The following MAP3K19 variants were observed in gnomAD, a reference collection of about 807,000 sequenced individuals.
MAP3K19 encodes mitogen-activated protein kinase kinase kinase 19, also known as SPS1/STE20-related protein kinase YSK4.
A neutral mutation model predicts 114.4 loss-of-function variants in MAP3K19; 91 were observed. The ratio of observed to expected loss-of-function variants is 0.80; its 90% confidence interval spans 0.67 to 0.95. The LOEUF (loss-of-function observed/expected upper bound fraction) is 0.95. Among genes scored for constraint, MAP3K19 ranks in the 40% least tolerant of loss-of-function variants. The probability of loss-of-function intolerance (pLI) is 0.00; values close to 1 mark genes in which losing one functional copy is unlikely to be tolerated. For missense variants in MAP3K19, 1,471 were observed against 1,573.2 expected, an observed-to-expected ratio of 0.94 and a Z score of 1.10; for synonymous variants, 518 against 530.5, an observed-to-expected ratio of 0.98 and a Z score of 0.32.
chr2:135,026,242 TG>T (rs1688252732), intron 3 of MAP3K19, among the ~76,000 whole-genome samples: 1 of 152,178 alleles, frequency 6.6e-6, no homozygotes, highest in South Asian at 2.1e-4. Context: ...ATAAACTCAT[TG>T]GGGCCTCTCC....
intron 3 of MAP3K19, among the ~76,000 whole-genome samples, chr2:135,029,544 G>C (rs968766536): frequency 3.3e-5 from 5 of 152,114 alleles, no homozygotes; most frequent in African/African-American, 1.2e-4. Flanking sequence ...AGTATTGTTT[G>C]GTTTTGTTAT....
At position 134,987,390 on chromosome 2, in the gene MAP3K19, G is replaced by A. The variant is rs1685217332; in HGVS notation, c.1482C>T (p.Ser494=). 1.2e-6 allele frequency: 2 copies of A among 1,613,972 alleles called. No individual in the cohort carries two copies. Among genetic ancestry groups the A allele is most frequent in the Non-Finnish European group, 1.7e-6 (2 of 1,180,016 alleles). ...LIHITFPVDG[S]PKEPVIAKPS... The stretch of plus-strand genomic sequence containing the variant: ...GTTTGGCTATCACTGGTTCCTTGGG[G>A]CTTCCATCCACAGGGAAGGTGATGT... Residue 494 remains serine, a synonymous_variant, in exon 10 of 13, where the codon AGC becomes AGT. Coordinates refer to ENST00000392915, the MANE Select transcript of MAP3K19 (RefSeq NM_025052.5).
chr2:134,970,637 G>A (rs759699431), intron 12 of MAP3K19, among the ~76,000 whole-genome samples: 10 of 139,112 alleles, frequency 7.2e-5, no homozygotes, highest in Non-Finnish European at 1.2e-4. Flanking sequence ...TCACTCTGTC[G>A]CCCAGGCTGG....
intron 8 of MAP3K19, among the ~76,000 whole-genome samples, chr2:134,993,549 G>A (rs921597737): frequency 2.0e-5 from 3 of 152,138 alleles, no homozygotes. Flanking sequence ...GCATTCTAGA[G>A]GTTGAGGTTT....
chr2:134,991,338 A>C, intron 9 of MAP3K19, 199 bp downstream of exon 9: 18 of 575,738 alleles, frequency 3.1e-5, no homozygotes, highest in Admixed American at 6.1e-5. Context: ...AAAACAAAAC[A>C]ACCGGTAGGC....
At chr2:134,982,201 C>G (rs1684728203) in intron 11 of MAP3K19, among the ~76,000 whole-genome samples, 1 of 148,862 alleles carries the variant, frequency 6.7e-6, no homozygotes, top group African/African-American at 2.5e-5. Flanking sequence ...TCACTGCAGC[C>G]TCAAATTCCT....
chr2:135,026,211 G>A (rs538473040), intron 3 of MAP3K19, among the ~76,000 whole-genome samples: 1 of 152,128 alleles, frequency 6.6e-6, no homozygotes, highest in East Asian at 1.9e-4. Context: ...ATTATTTAAG[G>A]GTGCATAAAA....
At chr2:135,000,427 G>A (rs1339606879) in intron 6 of MAP3K19, among the ~76,000 whole-genome samples, 3 of 152,194 alleles carry the variant, frequency 2.0e-5, no homozygotes, top group East Asian at 3.8e-4. Context: ...CTCATTTCAT[G>A]AACTAATTTC....
At chr2:135,023,303 C>G (rs1688106171) in intron 4 of MAP3K19, 6 of 383,072 alleles carry the variant, frequency 1.6e-5, no homozygotes, top group South Asian at 1.2e-4. Context: ...CTCTCACTTC[C>G]TGAGTCCTGA....
intron 8 of MAP3K19, among the ~76,000 whole-genome samples, chr2:134,998,508 T>C (rs937927064): frequency 6.6e-6 from 1 of 152,238 alleles, no homozygotes; most frequent in African/African-American, 2.4e-5. Context: ...CATTTGCACA[T>C]ATAGTGCTCT....
intron 2 of MAP3K19, among the ~76,000 whole-genome samples, chr2:135,039,096 C>A (rs1688593690): frequency 6.8e-6 from 1 of 148,098 alleles, no homozygotes; most frequent in African/African-American, 2.5e-5. Flanking sequence ...GTTGGGTACA[C>A]AGGTGCTTGT....
intron 8 of MAP3K19, 41 bp from the exon 9 acceptor site, chr2:134,991,621 G>C (rs772746612): frequency 6.5e-7 from 1 of 1,534,052 alleles, no homozygotes; most frequent in Non-Finnish European, 9.0e-7. Flanking sequence ...CTTAGTAGTA[G>C]AAAGAAAACA....
chr2:135,037,385 C>T (rs900351907), intron 2 of MAP3K19, among the ~76,000 whole-genome samples: 1 of 152,214 alleles, frequency 6.6e-6, no homozygotes, highest in African/African-American at 2.4e-5. Context: ...GTACTGTAGA[C>T]TGGCCTCCTC....
chr2:134,973,723 T>A (rs184132248), intron 12 of MAP3K19, among the ~76,000 whole-genome samples: 97 of 152,318 alleles, frequency 6.4e-4, no homozygotes, highest in African/African-American at 2.1e-3. Flanking sequence ...TTTTCTGTAG[T>A]GTTAACGTTT....
chr2:135,011,666 G>GTTGTTTGT lies in MAP3K19; in HGVS notation c.139-6143_139-6136dup, dbSNP rs58467283. The stretch of plus-strand genomic sequence containing the variant: ...AATCTCTTGAGACTAAGAGTTTGAT[G>GTTGTTTGT]TTGTTTGTTTGTTTGTTTGTTTGTT... On this transcript the variant is annotated intron_variant, in intron 5 of 12. Coordinates refer to ENST00000392915, the MANE Select transcript of MAP3K19 (RefSeq NM_025052.5). Among the ~76,000 whole-genome samples the GTTGTTTGT allele has an allele frequency of 5.3e-3, 793 of 150,212 alleles. 7 individuals carry two copies. The highest frequency in any genetic ancestry group is 0.016 in the African/African-American group (648 of 39,840).
At position 134,986,815 on chromosome 2, in the gene MAP3K19, C is replaced by T. The variant is rs1276659088; in HGVS notation, c.2057G>A (p.Arg686His). 19 of 1,614,038 alleles carry T rather than the reference C, an allele frequency of 1.2e-5. No individual in the cohort carries two copies. The highest frequency in any genetic ancestry group is 1.7e-5 in the Admixed American group (1 of 59,998). ...GCCTGATGGAGCCGAACATATCTCA[C>T]GGTAATACGTGTTTTCATCCCTTTC... ...ETERDENTYY[R>H]EICSAPSGRR... Residue 686 changes from arginine to histidine, a missense_variant, in exon 10 of 13, where the codon CGT becomes CAT. By Grantham distance (29) the Arg-to-His change is conservative. Transcript: ENST00000392915.
At chr2:134,983,402 AAG>A (rs922303289) in intron 11 of MAP3K19, 264 of 599,466 alleles carry the variant, frequency 4.4e-4, no homozygotes, top group Non-Finnish European at 5.1e-4. Flanking sequence ...AAGCCAGGCA[AAG>A]AGAGAGAGAG....
intron 12 of MAP3K19, among the ~76,000 whole-genome samples, chr2:134,969,336 A>G (rs942118374): frequency 1.1e-4 from 17 of 152,060 alleles, no homozygotes; most frequent in Non-Finnish European, 2.5e-4. Flanking sequence ...TCAGAGGGAG[A>G]CCGTGGAAAG....
Position 135,021,010 on chromosome 2 carries a change from C to T in MAP3K19, c.138+705G>A, listed in dbSNP as rs970522429. 2.6e-5 allele frequency among the ~76,000 whole-genome samples: 4 copies of T among 152,100 alleles called. No individual in the cohort carries two copies. In the South Asian group the frequency reaches 6.2e-4, roughly 24 times the overall value. ...AGACTTCCTTTTCAATATTAATGTA[C>T]ATAAAAAGGAAGGTACATTTGATTA... On this transcript the variant is annotated intron_variant, in intron 5 of 12. Transcript: ENST00000392915.
Sources: gnomAD v4.1 joint callset for allele counts (sites outside exome capture counted in the v4.1 genomes callset) on GRCh38, gnomAD v4.1.1 for gene constraint, MANE v1.5 for transcripts, NCBI Gene and HGNC (gene_info 2026-07-23, HGNC 2026-07-21) for gene names.